Variants in TDRD6 observed in about 807,000 individuals in gnomAD.
The protein encoded by TDRD6 is tudor domain containing 6.
Under a neutral mutation model 157.5 loss-of-function variants are expected in TDRD6, and 186 were observed. The ratio of observed to expected loss-of-function variants is 1.18; its 90% CI spans 1.05 to 1.33. TDRD6 has a LOEUF of 1.33. TDRD6 is among the 40% of genes most tolerant of loss of function. The probability of loss-of-function intolerance (pLI) is 0.00; values close to 1 mark genes in which losing one functional copy is unlikely to be tolerated. For missense variants in TDRD6, 3,066 were observed against 2,508.0 expected (o/e 1.22, Z -4.75); for synonymous variants, 1,075 against 945.2 (o/e 1.14, Z -2.52).
In TDRD6 at chr6:46,693,586, C is replaced by T; in HGVS notation, c.5458C>T (p.Leu1820=). ...CCTGATTACAGGATTTAACACATTACTACCACATGCTAATGAAACAAAGGA... is the reference window on the plus strand; with the variant it reads ...CCTGATTACAGGATTTAACACATTATTACCACATGCTAATGAAACAAAGGA... ...KYLITGFNTL[L]PHANETKEIL... is the part of the protein sequence containing the mutation. The change falls in exon 1 of 4, where the codon CTA becomes TTA. Residue 1820 remains leucine, a synonymous_variant. Transcript: ENST00000316081. 1 of 1,614,164 alleles carries T rather than the reference C, an allele frequency of 6.2e-7. No individual in the cohort carries two copies. Among genetic ancestry groups the T allele is most frequent in the Non-Finnish European group, 8.5e-7 (1 of 1,180,036 alleles).
chr6:46,684,552 T>C (rs1024086831), upstream of TDRD6, among the ~76,000 whole-genome samples: 53 of 152,174 alleles, frequency 3.5e-4, no homozygotes, highest in African/African-American at 1.3e-3. Context: ...ACTAATCTTT[T>C]CTCCATCTCT....
chr6:46,693,375 G>A lies in TDRD6; in HGVS notation c.5247G>A (p.Glu1749=). The part of the protein sequence containing the change: ...NKIYMEQQTD[E]LAEITEKDVN... Reference sequence around the variant, plus strand: ...TATATATGGAACAACAGACAGATGAGCTTGCTGAAATAACTGAAAAAGATG... The same window carrying A: ...TATATATGGAACAACAGACAGATGAACTTGCTGAAATAACTGAAAAAGATG... The change falls in exon 1 of 4, where the codon GAG becomes GAA. Residue 1749 remains glutamate, a synonymous_variant. Transcript: ENST00000316081. 2 of 1,612,326 alleles carry A rather than the reference G, an allele frequency of 1.2e-6. No homozygotes were observed. The highest frequency in any genetic ancestry group is 1.7e-6 in the Non-Finnish European group (2 of 1,179,602).
chr6:46,689,520 TC>T lies in TDRD6; in HGVS notation c.1394del (p.Pro465LeufsTer5). The T allele has an allele frequency of 6.2e-7, 1 of 1,614,070 alleles. No individual in the cohort carries two copies. On this transcript the variant is annotated frameshift_variant, in exon 1 of 4. Transcript: ENST00000316081. LOFTEE classifies it high-confidence loss of function. The stretch of plus-strand genomic sequence containing the variant: ...AACCAGAAACATCTCAGTCTCAGTC[TC>T]CTGCTGAAGAAGTAGATGAAGAGAT... ...EEPETSQSQS[P>X]AEEVDEEISL...
Position 46,690,823 on chromosome 6 carries a change from G to T in TDRD6, c.2695G>T (p.Asp899Tyr), listed in dbSNP as rs61742452. Residue 899 changes from aspartate to tyrosine, a missense_variant, in exon 1 of 4, where the codon GAT (aspartate) becomes TAT (tyrosine). By Grantham distance (160) the Asp-to-Tyr change is radical. Coordinates refer to ENST00000316081, the MANE Select transcript of TDRD6 (RefSeq NM_001010870.3). ...AGTTGGCCAGAATCCCTTTGTTTGGGATGTAAAGGCAATACAAGCTTTCAA... is the reference window on the plus strand; with the variant it reads ...AGTTGGCCAGAATCCCTTTGTTTGGTATGTAAAGGCAATACAAGCTTTCAA... ...QPVGQNPFVW[D>Y]VKAIQAFNEF... 1 of 1,613,972 alleles carries T rather than the reference G, an allele frequency of 6.2e-7. No homozygotes were observed. Among genetic ancestry groups the T allele is most frequent in the Non-Finnish European group, 8.5e-7 (1 of 1,179,994 alleles).
In TDRD6 at chr6:46,692,596, C is replaced by G; in HGVS notation, c.4468C>G (p.Gln1490Glu). 1.2e-6 allele frequency: 2 copies of G among 1,613,378 alleles called. No homozygotes were observed. Among genetic ancestry groups the G allele is most frequent in the Non-Finnish European group, 8.5e-7 (1 of 1,179,764 alleles). ...SEKSQVELST[Q>E]VIKSASSKSV... ...AAAATCTCAAGTAGAACTTTCTACCCAAGTAATTAAAAGTGCCAGTTCAAA... is the reference window on the plus strand; with the variant it reads ...AAAATCTCAAGTAGAACTTTCTACCGAAGTAATTAAAAGTGCCAGTTCAAA... Residue 1490 changes from glutamine to glutamate, a missense_variant, in exon 1 of 4, where the codon CAA (glutamine) becomes GAA (glutamate). Coordinates refer to ENST00000316081, the MANE Select transcript of TDRD6 (RefSeq NM_001010870.3).
rs1301515997 is a variant in TDRD6 at position 46,688,966 on chromosome 6, T to C, written c.838T>C (p.Ser280Pro). ...CGTCTCGCAGGAGATCCACCGCCTC[T>C]CCGAGAGCATGGCCCAGGTATACCG... ...RSVSQEIHRL[S>P]ESMAQVYRGS... Residue 280 changes from serine to proline, a missense_variant, in exon 1 of 4, where the codon TCC (serine) becomes CCC (proline). Ser to Pro is a moderately conservative substitution (Grantham distance 74, BLOSUM62 -1). Coordinates refer to ENST00000316081, the MANE Select transcript of TDRD6 (RefSeq NM_001010870.3). 2 of 1,613,418 alleles carry C rather than the reference T, an allele frequency of 1.2e-6. No homozygotes were observed. The highest frequency in any genetic ancestry group is 3.3e-5 in the Admixed American group (2 of 59,992).
rs1764678177 is a variant in TDRD6, at chr6:46,703,635, TC to T, written c.*1751del. 6.6e-6 allele frequency: 1 copy of T among 152,108 alleles called. No individual in the cohort carries two copies. The highest frequency in any genetic ancestry group is 2.4e-5 in the African/African-American group (1 of 41,454). The allele number at this position is 152,108 out of a possible 1,614,324, so 9.4% of individuals were successfully genotyped here. Reference sequence around the variant, plus strand: ...GGGAAATAAAATCATTTTCCATGATTCCCATATTTATAAGTATAAATTCTTA... The same window carrying T: ...GGGAAATAAAATCATTTTCCATGATTCCATATTTATAAGTATAAATTCTTA... On this transcript the variant is annotated 3_prime_UTR_variant, in exon 4 of 4. Coordinates refer to ENST00000316081, the MANE Select transcript of TDRD6 (RefSeq NM_001010870.3).
rs1305248452 is a variant in TDRD6, at chr6:46,688,416, C to T, written c.288C>T (p.Val96=). 6.5e-7 allele frequency: 1 copy of T among 1,539,896 alleles called. No homozygotes were observed. The highest frequency in any genetic ancestry group is 8.7e-7 in the Non-Finnish European group (1 of 1,145,840). Reference sequence around the variant, plus strand: ...GCCGGCAGGCACAGGAGAGCCGTGTCTTCCTGCTGGACGAGGGCCGCACCA... The same window carrying T: ...GCCGGCAGGCACAGGAGAGCCGTGTTTTCCTGCTGGACGAGGGCCGCACCA... ...VVSRQAQESR[V]FLLDEGRTIT... The change falls in exon 1 of 4, where the codon GTC becomes GTT. Residue 96 remains valine, a synonymous_variant. Transcript: ENST00000316081.
upstream of TDRD6, among the ~76,000 whole-genome samples, chr6:46,682,995 A>G (rs895861400): frequency 6.6e-6 from 1 of 152,032 alleles, no homozygotes; most frequent in Non-Finnish European, 1.5e-5. Flanking sequence ...AAATACATAT[A>G]GAAAATCAAA....
rs202246002 is a variant in TDRD6 at position 46,692,750 on chromosome 6, C to T, written c.4622C>T (p.Thr1541Met). Residue 1541 changes from threonine to methionine, a missense_variant, in exon 1 of 4, where the codon ACG (threonine) becomes ATG (methionine). By Grantham distance (81) the Thr-to-Met change is moderately conservative. Transcript: ENST00000316081. ...PEYFWCQFAD[T>M]EKLQCLEVEV... ...TACTTTTGGTGTCAGTTTGCTGATA[C>T]GGAGAAACTTCAGTGTTTAGAAGTA... The T allele has an allele frequency of 8.1e-6, 13 of 1,613,970 alleles. No homozygotes were observed. Among genetic ancestry groups the T allele is most frequent in the Middle Eastern group, 1.6e-4 (1 of 6,084 alleles).
chr6:46,703,271 A>C lies in TDRD6; in HGVS notation c.*1384A>C, dbSNP rs777470534. 1.3e-5 allele frequency: 2 copies of C among 152,024 alleles called. No homozygotes were observed. The highest frequency in any genetic ancestry group is 4.8e-5 in the African/African-American group (2 of 41,424). 9.4% of individuals were successfully genotyped at this position (152,024 alleles called of 1,614,324 possible). A position where few individuals can be genotyped will look rare whatever the true frequency, so the allele number is the denominator to read the frequency against. ...GGAAATAGAATTATGAACCTTAAAAACCCATTATAATTTCCGTAAGTAGAA... is the reference window on the plus strand; with the variant it reads ...GGAAATAGAATTATGAACCTTAAAACCCCATTATAATTTCCGTAAGTAGAA... On this transcript the variant is annotated 3_prime_UTR_variant, in exon 4 of 4. Coordinates refer to ENST00000316081, the MANE Select transcript of TDRD6 (RefSeq NM_001010870.3).
In TDRD6 at chr6:46,689,007, A is replaced by G. The variant is rs764985077; in HGVS notation, c.879A>G (p.Thr293=). The stretch of plus-strand genomic sequence containing the variant: ...AGGTATACCGGGGTTCCACGGGGAC[A>G]GGGGATGAGAACTCTACCAGTGCCA... ...MAQVYRGSTG[T]GDENSTSATW... The change falls in exon 1 of 4, where the codon ACA becomes ACG. Residue 293 remains threonine (T), a synonymous_variant. Coordinates refer to ENST00000316081, the MANE Select transcript of TDRD6 (RefSeq NM_001010870.3). The G allele has an allele frequency of 3.1e-6, 5 of 1,613,680 alleles. No individual in the cohort carries two copies. The highest frequency in any genetic ancestry group is 1.1e-5 in the South Asian group (1 of 91,060).
upstream of TDRD6, chr6:46,687,461 C>G (rs185461623): frequency 1.4e-3 from 218 of 152,704 alleles, 1 homozygote; most frequent in Non-Finnish European, 1.9e-3. Flanking sequence ...TGGCTGTCCA[C>G]GGACACACTG....
At chr6:46,701,044 G>A in intron 3 of TDRD6, 2 of 455,524 alleles carry the variant, frequency 4.4e-6, no homozygotes, top group South Asian at 1.7e-5. Flanking sequence ...CATGTCAGTG[G>A]GTGATACCAC....
Position 46,691,734 on chromosome 6 carries a change from G to T in TDRD6, c.3606G>T (p.Lys1202Asn). Residue 1202 changes from lysine to asparagine, a missense_variant, in exon 1 of 4, where the codon AAG becomes AAT. Lys to Asn is a moderately conservative substitution (Grantham distance 94, BLOSUM62 0). Coordinates refer to ENST00000316081, the MANE Select transcript of TDRD6 (RefSeq NM_001010870.3). ...ATTTAAGTAAATCAGTAGGGTACAA[G>T]TTACCTAATAAAGAAATTTTGGAAG... ...TEYLSKSVGYKLPNKEILEES... is the reference protein window; with the variant it reads ...TEYLSKSVGYNLPNKEILEES... 1.3e-6 allele frequency: 2 copies of T among 1,594,396 alleles called. No homozygotes were observed. The highest frequency in any genetic ancestry group is 1.7e-6 in the Non-Finnish European group (2 of 1,174,918).
rs1433918964 is a variant in TDRD6 at position 46,688,066 on chromosome 6, ATTTC to A, written c.-62_-59del. On this transcript the variant is annotated 5_prime_UTR_variant, in exon 1 of 4. Coordinates refer to ENST00000316081, the MANE Select transcript of TDRD6 (RefSeq NM_001010870.3). The stretch of plus-strand genomic sequence containing the variant: ...GACTCGCCTTCAGGCGGCGCGGAGG[ATTTC>A]GAGGCCCTGAGGCGCGGCCCTTAAT... 7.1e-7 allele frequency: 1 copy of A among 1,410,312 alleles called. No individual in the cohort carries two copies. The highest frequency in any genetic ancestry group is 9.2e-7 in the Non-Finnish European group (1 of 1,090,528). The allele number at this position is 1,410,312 out of a possible 1,614,324, so 87.4% of individuals were successfully genotyped here.
chr6:46,698,099 T>C lies in TDRD6; in HGVS notation c.6261+12T>C. Reference sequence around the variant, plus strand: ...AGAGTCCACCTGAGGTATGGAATTCTATAAATAGTAATTAGTGAGAGCATT... The same window carrying C: ...AGAGTCCACCTGAGGTATGGAATTCCATAAATAGTAATTAGTGAGAGCATT... On this transcript the variant is annotated intron_variant, in intron 3 of 3. Transcript: ENST00000316081. 6.5e-7 allele frequency: 1 copy of C among 1,546,674 alleles called. No individual in the cohort carries two copies. The highest frequency in any genetic ancestry group is 2.2e-5 in the East Asian group (1 of 44,462).
chr6:46,688,927 T>C lies in TDRD6; in HGVS notation c.799T>C (p.Cys267Arg). The change falls in exon 1 of 4, where the codon TGC becomes CGC. Residue 267 changes from cysteine (C) to arginine (R), a missense_variant. Transcript: ENST00000316081. ...TQVCHPHRIH[C>R]QLRSVSQEIH... Reference sequence around the variant, plus strand: ...AGTGTGCCATCCCCACCGCATTCACTGCCAGCTCCGCAGCGTCTCGCAGGA... The same window carrying C: ...AGTGTGCCATCCCCACCGCATTCACCGCCAGCTCCGCAGCGTCTCGCAGGA... 6.2e-7 allele frequency: 1 copy of C among 1,609,930 alleles called. No homozygotes were observed. The highest frequency in any genetic ancestry group is 8.5e-7 in the Non-Finnish European group (1 of 1,177,402).
chr6:46,692,757 A>G lies in TDRD6; in HGVS notation c.4629A>G (p.Lys1543=). ...YFWCQFADTE[K]LQCLEVEVQT... is the part of the protein sequence containing the mutation. Reference sequence around the variant, plus strand: ...GGTGTCAGTTTGCTGATACGGAGAAACTTCAGTGTTTAGAAGTAGAAGTAC... The same window carrying G: ...GGTGTCAGTTTGCTGATACGGAGAAGCTTCAGTGTTTAGAAGTAGAAGTAC... The change falls in exon 1 of 4, where the codon AAA becomes AAG. Residue 1543 remains lysine, a synonymous_variant. Coordinates refer to ENST00000316081, the MANE Select transcript of TDRD6 (RefSeq NM_001010870.3). 1 of 1,614,176 alleles carries G rather than the reference A, an allele frequency of 6.2e-7. No homozygotes were observed. Among genetic ancestry groups the G allele is most frequent in the Non-Finnish European group, 8.5e-7 (1 of 1,180,028 alleles).
Sources: allele counts gnomAD v4.1 joint callset (sites outside exome capture counted in the v4.1 genomes callset), GRCh38; gene constraint gnomAD v4.1.1; transcripts MANE v1.5; gene names NCBI Gene and HGNC (gene_info 2026-07-23, HGNC 2026-07-21).